MYO16: variants seen among roughly 807,000 people sequenced by gnomAD.
MYO16 encodes the protein unconventional myosin-XVI.
A neutral mutation model predicts 205.3 loss-of-function variants in MYO16; 94 were observed. The ratio of observed to expected loss-of-function variants is 0.46; its 90% CI spans 0.39 to 0.54. The LOEUF is 0.54. Among genes scored for constraint, MYO16 ranks in the 20% least tolerant of loss-of-function variants. MYO16 has a pLI of 0.00. For missense variants in MYO16, 2,315 were observed against 2,387.5 expected, an observed-to-expected ratio of 0.97 and a Z score of 0.63; for synonymous variants, 988 against 954.0, an observed-to-expected ratio of 1.04 and a Z score of -0.66.
At chr13:108,638,925 G>A (rs2139373553) in intron 1 of MYO16, among the ~76,000 whole-genome samples, 1 of 152,246 alleles carries the variant, frequency 6.6e-6, no homozygotes, top group South Asian at 2.1e-4. Flanking sequence ...ATTTACTGAA[G>A]ATCAATGGAT....
chr13:109,022,075 G>A (rs949568862), intron 23 of MYO16, among the ~76,000 whole-genome samples: 1 of 145,330 alleles, frequency 6.9e-6, no homozygotes, highest in South Asian at 2.1e-4. Flanking sequence ...AAATGTATAT[G>A]TATATGTATG....
intron 16 of MYO16, among the ~76,000 whole-genome samples, chr13:108,922,949 C>G (rs1411651653): frequency 1.3e-5 from 2 of 152,158 alleles, no homozygotes; most frequent in African/African-American, 2.4e-5. Flanking sequence ...CAGGTTGCTC[C>G]CCTTGCTACT....
rs1002496931 is a variant in MYO16 at position 109,029,495 on chromosome 13, C to A, written c.2796+9584C>A. 3.9e-5 allele frequency among the ~76,000 whole-genome samples: 6 copies of A among 151,944 alleles called. No homozygotes were observed. In the South Asian group the frequency reaches 6.2e-4, roughly 16 times the overall value. ...GAGATTTGTGGGGGACACATTGTAC[C>A]CAAGAAGACTCTGAGATTGAACTTT... On this transcript the variant is annotated intron_variant, in intron 23 of 34. Transcript: ENST00000457511.
At chr13:108,820,744 C>A (rs181138465) in intron 8 of MYO16, among the ~76,000 whole-genome samples, 15 of 152,254 alleles carry the variant, frequency 9.9e-5, no homozygotes, top group African/African-American at 3.6e-4. Flanking sequence ...TGTTATTTAA[C>A]TAATATCTCA....
chr13:108,801,409 C>T (rs1436826984), intron 6 of MYO16, among the ~76,000 whole-genome samples: 1 of 152,146 alleles, frequency 6.6e-6, no homozygotes, highest in Non-Finnish European at 1.5e-5. Flanking sequence ...GCCACAGGAA[C>T]TTGAAAAAAT....
At chr13:108,707,057 A>G (rs1162626651) in intron 2 of MYO16, among the ~76,000 whole-genome samples, 2 of 152,136 alleles carry the variant, frequency 1.3e-5, no homozygotes, top group Non-Finnish European at 2.9e-5. Flanking sequence ...GCATCCTGTG[A>G]GTGCATGTGG....
In MYO16 at chr13:109,125,384, A is replaced by T. The variant is rs1566519162; in HGVS notation, c.3782+26A>T. ...GTAAAGGCAGAGAGCATGCAATTTT[A>T]ATTACCTTTGTGATTGGTTCAGTGG... On this transcript the variant is annotated intron_variant, in intron 30 of 34. Transcript: ENST00000457511. The surrounding 1 kb of genome is among the most constrained non-coding windows in gnomAD (Gnocchi z 4.0). 5.6e-6 allele frequency: 9 copies of T among 1,612,206 alleles called. No homozygotes were observed. The highest frequency in any genetic ancestry group is 7.6e-6 in the Non-Finnish European group (9 of 1,178,920).
At chr13:108,559,882 A>G in the MYO16 span, among the ~76,000 whole-genome samples, 1 of 152,166 alleles carries the variant, frequency 6.6e-6, no homozygotes, top group Non-Finnish European at 1.5e-5. Context: ...TTCCATACCT[A>G]GAAATCAAAA....
At chr13:108,576,470 A>C in the MYO16 span, among the ~76,000 whole-genome samples, 1 of 152,172 alleles carries the variant, frequency 6.6e-6, no homozygotes, top group Non-Finnish European at 1.5e-5. Context: ...GGAAGAGTAA[A>C]ATGTGGGATG....
At position 108,665,996 on chromosome 13, in the gene MYO16, T is replaced by A. The variant is rs770051897; in HGVS notation, c.139T>A (p.Cys47Ser). 2 of 1,614,036 alleles carry A rather than the reference T, an allele frequency of 1.2e-6. No individual in the cohort carries two copies. Among genetic ancestry groups the A allele is most frequent in the Non-Finnish European group, 1.7e-6 (2 of 1,180,006 alleles). ...GCAGCGTCTAGTGAAGCGCATGCGC[T>A]GTGAGCAAATCAAAGCCTACTATGA... ...QRQRLVKRMR[C>S]EQIKAYYERE... is the part of the protein sequence containing the mutation. Residue 47 changes from cysteine to serine, a missense_variant, in exon 2 of 35, where the codon TGT becomes AGT. Transcript: ENST00000457511.
the MYO16 span, among the ~76,000 whole-genome samples, chr13:108,541,197 G>C: frequency 3.3e-5 from 5 of 151,820 alleles, no homozygotes; most frequent in South Asian, 8.3e-4. Context: ...AATCAATATG[G>C]GGAAATTGAA....
At chr13:108,741,716 A>C (rs1474492532) in intron 4 of MYO16, among the ~76,000 whole-genome samples, 1 of 152,212 alleles carries the variant, frequency 6.6e-6, no homozygotes, top group East Asian at 1.9e-4. Context: ...GAAGAATGAG[A>C]ATCAACTGTA....
intron 4 of MYO16, among the ~76,000 whole-genome samples, chr13:108,741,103 C>T (rs1884893786): frequency 6.6e-6 from 1 of 152,268 alleles, no homozygotes; most frequent in South Asian, 2.1e-4. Context: ...ATGCCTCGCC[C>T]TGCTTCAGCT....
At chr13:108,626,023 G>A (rs1005618417), upstream of MYO16, among the ~76,000 whole-genome samples, 1 of 152,112 alleles carries the variant, frequency 6.6e-6, no homozygotes, top group East Asian at 1.9e-4. Flanking sequence ...CATTTTAAAA[G>A]ATATTTACTA....
the MYO16 span, among the ~76,000 whole-genome samples, chr13:108,542,914 A>G: frequency 1.3e-5 from 2 of 151,526 alleles, no homozygotes; most frequent in African/African-American, 4.8e-5. Context: ...GTGATTATTT[A>G]TAATAATATG....
chr13:108,923,703 T>C (rs960371313), intron 16 of MYO16, among the ~76,000 whole-genome samples: 7 of 152,268 alleles, frequency 4.6e-5, no homozygotes, highest in Admixed American at 1.3e-4. Flanking sequence ...TGCTTCTTAG[T>C]GTCTCCTTTT....
At chr13:108,585,944 C>T in the MYO16 span, among the ~76,000 whole-genome samples, 1 of 80,130 alleles carries the variant, frequency 1.2e-5, no homozygotes, top group African/African-American at 3.2e-5. Flanking sequence ...TTACAATGTT[C>T]AATCTTTAGC....
Position 108,898,906 on chromosome 13 carries a change from A to T in MYO16, c.1777+773A>T, listed in dbSNP as rs545042814. Among the ~76,000 whole-genome samples the T allele has an allele frequency of 9.2e-5, 14 of 152,316 alleles. 1 individual carries two copies. In the East Asian group the frequency reaches 2.3e-3, roughly 25 times the overall value. On this transcript the variant is annotated intron_variant, in intron 15 of 34. Transcript: ENST00000457511. Reference sequence around the variant, plus strand: ...ATACTTGAAGTAATCAGATATTTTTAAAAAACTTTTACAACAGCTGTCAGC... The same window carrying T: ...ATACTTGAAGTAATCAGATATTTTTTAAAAACTTTTACAACAGCTGTCAGC...
At chr13:108,717,402 C>T (rs1053275959) in intron 3 of MYO16, among the ~76,000 whole-genome samples, 3 of 151,762 alleles carry the variant, frequency 2.0e-5, no homozygotes, top group South Asian at 2.1e-4. Flanking sequence ...GAGGCCGAGG[C>T]GGGCAGACAC....
Sources: allele counts gnomAD v4.1 joint callset (sites outside exome capture counted in the v4.1 genomes callset), GRCh38; gene constraint gnomAD v4.1.1; non-coding constraint Gnocchi (gnomAD v3.1); transcripts MANE v1.5; gene names NCBI Gene and HGNC (gene_info 2026-07-23, HGNC 2026-07-21).